NF1: variants seen among roughly 807,000 people sequenced by gnomAD.
The protein encoded by NF1 is neurofibromin.
NF1 carries 122 observed loss-of-function variants against 325.7 expected under a neutral mutation model. That is an observed-to-expected ratio of 0.37 (90% CI 0.32 to 0.44). The LOEUF is 0.44. NF1 is among the 20% of genes least tolerant of loss of function. NF1 has a pLI of 1.00. For synonymous variants in NF1, 1,091 were observed against 1,186.0 expected (o/e 0.92, Z 1.65); for missense variants, 2,140 against 3,415.4 (o/e 0.63, Z 9.31).
Position 31,265,214 on chromosome 17 carries a change from T to C in NF1, c.4725-15T>C. 1 of 1,565,944 alleles carries C rather than the reference T, an allele frequency of 6.4e-7. No homozygotes were observed. Among genetic ancestry groups the C allele is most frequent in the Non-Finnish European group, 8.8e-7 (1 of 1,136,826 alleles). ...AACATAAAGCCTCATAATTACTCTG[T>C]TATTTTTCTTTTAGGCATCAGGTAC... On this transcript the variant is annotated splice_polypyrimidine_tract_variant and intron_variant, in intron 35 of 57. Coordinates refer to ENST00000358273, the MANE Select transcript of NF1 (RefSeq NM_001042492.3).
chr17:31,121,441 C>G (rs1292380469), intron 1 of NF1, among the ~76,000 whole-genome samples: 2 of 138,058 alleles, frequency 1.4e-5, no homozygotes, highest in Non-Finnish European at 3.0e-5. Flanking sequence ...CGCTCTGTCA[C>G]CCAGGCTGGA....
Position 31,260,483 on chromosome 17 carries a change from G to A in NF1, c.4545G>A (p.Gln1515=), listed in dbSNP as rs1597747124. The A allele has an allele frequency of 1.9e-6, 3 of 1,613,976 alleles. No homozygotes were observed. In the East Asian group the frequency reaches 6.7e-5, roughly 36 times the overall value. The change falls in exon 34 of 58, where the codon CAG becomes CAA. Residue 1515 remains glutamine (Q), a synonymous_variant. Transcript: ENST00000358273. ...LALHRLLWNN[Q]EKIGQYLSSN... is the part of the protein sequence containing the mutation. ...TACATCGTCTACTCTGGAACAATCA[G>A]GAGAAAATTGGGCAGTATCTTTCCA...
chr17:31,175,829 A>G (rs550042559), intron 5 of NF1, among the ~76,000 whole-genome samples: 1 of 152,262 alleles, frequency 6.6e-6, no homozygotes, highest in Admixed American at 6.5e-5. Context: ...AGCTTCATCC[A>G]TGTCCCTGCA....
chr17:31,146,069 CA>C (rs962605752), intron 1 of NF1, among the ~76,000 whole-genome samples: 9 of 152,282 alleles, frequency 5.9e-5, no homozygotes, highest in African/African-American at 1.9e-4. Flanking sequence ...CTAAAACACA[CA>C]AAATTACTAT....
rs750085346 is a variant in NF1 at position 31,200,466 on chromosome 17, A to C, written c.933A>C (p.Gly311=). 6.2e-7 allele frequency: 1 copy of C among 1,614,142 alleles called. No individual in the cohort carries two copies. Among genetic ancestry groups the C allele is most frequent in the East Asian group, 2.2e-5 (1 of 44,858 alleles). ...TACGAAAAGCTCTTGCTGGCCATGG[A>C]GGAAGTAGGCAGCTGACAGAAAGTG... ...DSLRKALAGH[G]GSRQLTESAA... Residue 311 remains glycine, a synonymous_variant, in exon 9 of 58, where the codon GGA becomes GGC. Transcript: ENST00000358273.
At chr17:31,207,317 G>A (rs1294917955) in intron 12 of NF1, among the ~76,000 whole-genome samples, 2 of 151,954 alleles carry the variant, frequency 1.3e-5, no homozygotes, top group African/African-American at 2.4e-5. Flanking sequence ...GTCTTCACCT[G>A]TTGGTTTTAT....
chr17:31,150,506 C>T (rs922512119), intron 1 of NF1, among the ~76,000 whole-genome samples: 2 of 151,998 alleles, frequency 1.3e-5, no homozygotes, highest in African/African-American at 4.8e-5. Flanking sequence ...TTACTCTGAG[C>T]AATATTGAAA....
intron 1 of NF1, among the ~76,000 whole-genome samples, chr17:31,118,015 A>G (rs555035228): frequency 6.6e-6 from 1 of 152,348 alleles, no homozygotes; most frequent in East Asian, 1.9e-4. Flanking sequence ...AGAGAAATTG[A>G]ATTATGCTTT....
At chr17:31,118,733 C>T (rs754252106) in intron 1 of NF1, among the ~76,000 whole-genome samples, 5 of 152,046 alleles carry the variant, frequency 3.3e-5, no homozygotes, top group Non-Finnish European at 7.4e-5. Flanking sequence ...CTATTGTGAA[C>T]AGTGCCGCAA....
rs1304357009 is a variant in NF1 at position 31,173,855 on chromosome 17, G to A, written c.586+3858G>A. On this transcript the variant is annotated intron_variant, in intron 5 of 57. Transcript: ENST00000358273. ...TACTTTGGCTTTGAGAGTAGATTAT[G>A]GTATATAACACATTTAAGATGTCAT... 3.3e-5 allele frequency among the ~76,000 whole-genome samples: 5 copies of A among 152,226 alleles called. No homozygotes were observed. The East Asian group carries it at 9.6e-4, about 29-fold the overall frequency.
chr17:31,154,605 G>C (rs1917186439), intron 1 of NF1, among the ~76,000 whole-genome samples: 1 of 151,770 alleles, frequency 6.6e-6, no homozygotes, highest in Admixed American at 6.6e-5. Context: ...TCCCATTTTT[G>C]GCCTTTCAGG....
At chr17:31,295,648 T>G (rs1319754507) in intron 36 of NF1, 2 of 1,614,204 alleles carry the variant, frequency 1.2e-6, no homozygotes. Context: ...TGTGGTCACA[T>G]GACCACCTGT....
In NF1 at chr17:31,314,275, G is replaced by A. The variant is rs890819616; in HGVS notation, c.4836-11545G>A. 1.9e-4 allele frequency: 61 copies of A among 319,010 alleles called. No individual in the cohort carries two copies. The Admixed American group carries it at 2.7e-3, about 14-fold the overall frequency. 19.8% of individuals were successfully genotyped at this position (319,010 alleles called of 1,614,324 possible). On this transcript the variant is annotated intron_variant, in intron 36 of 57. Transcript: ENST00000358273. ...GTAAATAAATATTTGAGATACTCTAGTAATATGATTATGTAAATTAAATAT... is the reference window on the plus strand; with the variant it reads ...GTAAATAAATATTTGAGATACTCTAATAATATGATTATGTAAATTAAATAT...
intron 14 of NF1, chr17:31,219,329 C>T: frequency 3.1e-6 from 1 of 321,658 alleles, no homozygotes; most frequent in Non-Finnish European, 5.6e-6. Flanking sequence ...TGTACAAATT[C>T]TGATGCTTAA....
intron 48 of NF1, among the ~76,000 whole-genome samples, chr17:31,344,053 G>C (rs1287417035): frequency 6.6e-6 from 1 of 151,864 alleles, no homozygotes; most frequent in Non-Finnish European, 1.5e-5. Flanking sequence ...GTATCTTACT[G>C]ATTTTCAAAA....
In NF1 at chr17:31,319,146, C is replaced by T. The variant is rs560746396; in HGVS notation, c.4836-6674C>T. 2.8e-4 allele frequency: 284 copies of T among 999,300 alleles called. 1 individual carries two copies. The highest frequency in any genetic ancestry group is 1.6e-3 in the Middle Eastern group (7 of 4,320). The allele number at this position is 999,300 out of a possible 1,614,324, so 61.9% of individuals were successfully genotyped here. ...AAACTACAAGCTTATGCCTAATATT[C>T]GCTACCCTGAATTCCTTCTCAACTA... On this transcript the variant is annotated intron_variant, in intron 36 of 57. Transcript: ENST00000358273.
chr17:31,375,938 T>C lies in NF1; in HGVS notation c.*1783T>C, dbSNP rs1345971763. Reference sequence around the variant, plus strand: ...CTTAGTATTATTAATGAGTTTACCATAGAATTGTTGGAAATACTGAAGACA... The same window carrying C: ...CTTAGTATTATTAATGAGTTTACCACAGAATTGTTGGAAATACTGAAGACA... On this transcript the variant is annotated 3_prime_UTR_variant, in exon 58 of 58. Coordinates refer to ENST00000358273, the MANE Select transcript of NF1 (RefSeq NM_001042492.3). The C allele has an allele frequency of 4.3e-6, 1 of 233,090 alleles. No individual in the cohort carries two copies. The highest frequency in any genetic ancestry group is 1.3e-3 in the Middle Eastern group (1 of 782). The allele number at this position is 233,090 out of a possible 1,614,324, so 14.4% of individuals were successfully genotyped here.
At chr17:31,113,544 T>G (rs949515569) in intron 1 of NF1, among the ~76,000 whole-genome samples, 3 of 152,122 alleles carry the variant, frequency 2.0e-5, no homozygotes, top group African/African-American at 7.2e-5. Context: ...CCGTAAATTG[T>G]TTTGAGACAG....
rs1349944181 is a variant in NF1 at position 31,340,616 on chromosome 17, T to G, written c.7033T>G (p.Leu2345Val). 1 of 1,614,020 alleles carries G rather than the reference T, an allele frequency of 6.2e-7. No homozygotes were observed. Among genetic ancestry groups the G allele is most frequent in the African/African-American group, 1.3e-5 (1 of 74,926 alleles). The change falls in exon 47 of 58, where the codon TTA becomes GTA. Residue 2345 changes from leucine to valine, a missense_variant. Physicochemically the swap from Leu to Val is conservative, Grantham distance 32. This residue lies in a region of NF1 where 522 missense variants were observed against 749.0 expected (regional missense o/e 0.70). Coordinates refer to ENST00000358273, the MANE Select transcript of NF1 (RefSeq NM_001042492.3). ...TALLEQNLHT[L>V]DSLRIFNDKS... The stretch of plus-strand genomic sequence containing the variant: ...ACTTCTTGAACAAAACCTGCATACT[T>G]TAGATAGTCTCCGTATATTCAATGA...
Sources: allele counts gnomAD v4.1 joint callset (sites outside exome capture counted in the v4.1 genomes callset), GRCh38; gene constraint gnomAD v4.1.1; regional missense constraint gnomAD v4.1.1; transcripts MANE v1.5; gene names NCBI Gene and HGNC (gene_info 2026-07-23, HGNC 2026-07-21).